The following IGSF9B variants were observed in gnomAD, a reference collection of about 807,000 sequenced individuals.
IGSF9B encodes immunoglobulin superfamily member 9B, also known as protein turtle homolog B.
Under a neutral mutation model 143.7 loss-of-function variants are expected in IGSF9B, and 48 were observed. The observed-to-expected ratio is 0.33, with a 90% CI of 0.26 to 0.42. The LOEUF is 0.42. Among genes scored for constraint, IGSF9B ranks in the 20% least tolerant of loss-of-function variants. The pLI is 1.00. For missense variants in IGSF9B, 1,706 were observed against 1,980.0 expected (o/e 0.86, Z 2.63); for synonymous variants, 903 against 833.1 (o/e 1.08, Z -1.44).
chr11:133,926,823 G>A (rs959000720), intron 13 of IGSF9B, 93 bp downstream of exon 13: 92 of 1,066,458 alleles, frequency 8.6e-5, no homozygotes, highest in African/African-American at 7.7e-4. Context: ...GCAAGGTACC[G>A]GCACACAGGA....
intron 2 of IGSF9B, 26 bp from the exon 3 acceptor site, chr11:133,944,392 C>A (rs751300023): frequency 6.2e-7 from 1 of 1,611,276 alleles, no homozygotes; most frequent in Non-Finnish European, 8.5e-7. Context: ...AGACAAAAGC[C>A]CCACAGGCCA....
intron 14 of IGSF9B, among the ~76,000 whole-genome samples, 196 bp downstream of exon 14, chr11:133,925,543 C>T (rs1389122856): frequency 6.6e-6 from 1 of 152,164 alleles, no homozygotes; most frequent in Non-Finnish European, 1.5e-5. Context: ...GAGCTGGCCC[C>T]GAGCCTGTGG....
rs146662739 is a variant in IGSF9B, at chr11:133,906,548, G to A, written c.*2521C>T. On this transcript the variant is annotated 3_prime_UTR_variant, in exon 20 of 20. Transcript: ENST00000533871. ...TCTACGTGCTGAGGTCATGGGCACT[G>A]CCAGAGGAAGCGGAGGAGGAGTCAG... Among the ~76,000 whole-genome samples, 243 of 152,362 alleles carry A rather than the reference G, an allele frequency of 1.6e-3. No homozygotes were observed. Among genetic ancestry groups the A allele is most frequent in the Non-Finnish European group, 3.0e-3 (201 of 68,042 alleles).
At chr11:133,946,028 G>C (rs745944671) in intron 2 of IGSF9B, 33 bp downstream of exon 2, 1 of 1,444,378 alleles carries the variant, frequency 6.9e-7, no homozygotes. Context: ...TCCAGCTGGG[G>C]AAGGTGCGGG....
chr11:133,918,284 G>C (rs994870710), intron 18 of IGSF9B, among the ~76,000 whole-genome samples: 1 of 150,398 alleles, frequency 6.6e-6, no homozygotes, highest in Admixed American at 6.6e-5. Context: ...GGCTTGTCTC[G>C]ACAACACTGC....
Position 133,913,613 on chromosome 11 carries a change from C to T in IGSF9B, c.3984-1606G>A, listed in dbSNP as rs1939333521. Among the ~76,000 whole-genome samples, 1 of 152,232 alleles carries T rather than the reference C, an allele frequency of 6.6e-6. No individual in the cohort carries two copies. Among genetic ancestry groups the T allele is most frequent in the Admixed American group, 6.5e-5 (1 of 15,286 alleles). Reference sequence around the variant, plus strand: ...CCTGACAGCAGAGCTAAGAAGGCTACACAGGGTCCCTCAGGTGCACACACA... The same window carrying T: ...CCTGACAGCAGAGCTAAGAAGGCTATACAGGGTCCCTCAGGTGCACACACA... On this transcript the variant is annotated intron_variant, in intron 18 of 19. Coordinates refer to ENST00000533871, the MANE Select transcript of IGSF9B (RefSeq NM_001277285.4). This position sits in a 1 kb window ranked among gnomAD's most constrained non-coding sequence, Gnocchi z 4.6.
chr11:133,941,026 G>T (rs1939947475), intron 3 of IGSF9B, among the ~76,000 whole-genome samples: 1 of 152,096 alleles, frequency 6.6e-6, no homozygotes, highest in South Asian at 2.1e-4. Flanking sequence ...TAAAAGAAAA[G>T]ATAATAAATT....
rs1315518243 is a variant in IGSF9B at position 133,908,581 on chromosome 11, A to ATG, written c.*487_*488insCA. 1 of 148,692 alleles carries ATG rather than the reference A, an allele frequency of 6.7e-6. No homozygotes were observed. The highest frequency in any genetic ancestry group is 1.5e-5 in the Non-Finnish European group (1 of 67,268). The allele number at this position is 148,692 out of a possible 1,614,324, so 9.2% of individuals were successfully genotyped here. On this transcript the variant is annotated 3_prime_UTR_variant, in exon 20 of 20. Transcript: ENST00000533871. ...AACAGCACTTTGCCTCAATGTACAT[A>ATG]TATATATATATATATACACACATAG...
intron 1 of IGSF9B, among the ~76,000 whole-genome samples, chr11:133,954,867 C>T (rs1230753315): frequency 6.6e-6 from 1 of 152,206 alleles, no homozygotes; most frequent in African/African-American, 2.4e-5. Flanking sequence ...CCCCTCTGCA[C>T]CCTGAAAGAG....
At chr11:133,934,970 A>G (rs1001288791) in intron 7 of IGSF9B, among the ~76,000 whole-genome samples, 3 of 152,268 alleles carry the variant, frequency 2.0e-5, no homozygotes, top group Admixed American at 1.3e-4. Context: ...TCTCTGTCTC[A>G]GGGCTCAGCT....
chr11:133,933,202 G>A (rs968962512), intron 7 of IGSF9B, among the ~76,000 whole-genome samples: 12 of 152,142 alleles, frequency 7.9e-5, no homozygotes, highest in Non-Finnish European at 1.5e-4. Context: ...CCCGTTGAAC[G>A]AGGTCCTCTC....
chr11:133,950,175 T>C lies in IGSF9B; in HGVS notation c.65-3917A>G, dbSNP rs149862583. On this transcript the variant is annotated intron_variant, in intron 1 of 19. Coordinates refer to ENST00000533871, the MANE Select transcript of IGSF9B (RefSeq NM_001277285.4). ...GGCATCCAGGGCCTGGCACAGCCCA[T>C]GTCTAGCACTCACAACCCGGAGCTC... Among the ~76,000 whole-genome samples the C allele has an allele frequency of 1.4e-3, 216 of 152,274 alleles. 1 individual carries two copies. The highest frequency in any genetic ancestry group is 2.4e-3 in the Non-Finnish European group (165 of 68,004).
intron 18 of IGSF9B, chr11:133,919,038 G>A (rs565660801): frequency 1.2e-5 from 6 of 501,512 alleles, no homozygotes; most frequent in Non-Finnish European, 2.4e-5. Flanking sequence ...AATACCAGCT[G>A]CTACAGTTTA....
chr11:133,956,194 AC>A (rs2121358043), intron 1 of IGSF9B, among the ~76,000 whole-genome samples: 1 of 151,970 alleles, frequency 6.6e-6, no homozygotes, highest in African/African-American at 2.4e-5. Flanking sequence ...GGCCGCGCGA[AC>A]CCGGGGCCTT....
intron 19 of IGSF9B, among the ~76,000 whole-genome samples, chr11:133,911,669 C>T (rs778076999): frequency 2.0e-5 from 3 of 152,062 alleles, no homozygotes; most frequent in Non-Finnish European, 2.9e-5. Flanking sequence ...TTATCTTTCT[C>T]GTTTTGTATA....
chr11:133,910,875 T>C (rs949231581), intron 19 of IGSF9B, among the ~76,000 whole-genome samples: 4 of 152,230 alleles, frequency 2.6e-5, no homozygotes, highest in African/African-American at 9.6e-5. Context: ...CTTAATTGGC[T>C]GAAAATGCAG....
At chr11:133,940,528 AAAAC>A (rs1246925838) in intron 3 of IGSF9B, among the ~76,000 whole-genome samples, 16 of 121,348 alleles carry the variant, frequency 1.3e-4, no homozygotes, top group African/African-American at 2.9e-4. Context: ...ATCACATGCA[AAAAC>A]ACACACCTCG....
intron 1 of IGSF9B, among the ~76,000 whole-genome samples, chr11:133,954,625 T>G (rs1338404840): frequency 6.6e-6 from 1 of 152,236 alleles, no homozygotes; most frequent in Non-Finnish European, 1.5e-5. Flanking sequence ...GTACATGCTA[T>G]TGGCACATTT....
chr11:133,936,123 G>A lies in IGSF9B; in HGVS notation c.751C>T (p.Arg251Trp), dbSNP rs767426835. The A allele has an allele frequency of 3.1e-6, 5 of 1,613,022 alleles. No individual in the cohort carries two copies. Among genetic ancestry groups the A allele is most frequent in the Non-Finnish European group, 4.2e-6 (5 of 1,179,374 alleles). ...AGGTTGCCCGGATACGCCTCTGCCC[G>A]GCAGGTGAGCAGAGCATCCTGGGAG... is the stretch of plus-strand genomic sequence containing the variant. ...NISQDALLTC[R>W]AEAYPGNLTY... is the part of the protein sequence containing the mutation. Residue 251 changes from arginine (R) to tryptophan (W), a missense_variant, in exon 6 of 20, where the codon CGG becomes TGG. This residue lies in a region of IGSF9B where 238 missense variants were observed against 452.6 expected (regional missense o/e 0.53). Coordinates refer to ENST00000533871, the MANE Select transcript of IGSF9B (RefSeq NM_001277285.4).
Sources: gnomAD v4.1 joint callset for allele counts (sites outside exome capture counted in the v4.1 genomes callset) on GRCh38, gnomAD v4.1.1 for gene constraint, gnomAD v4.1.1 regional missense constraint, Gnocchi (gnomAD v3.1) non-coding constraint, MANE v1.5 for transcripts, NCBI Gene and HGNC (gene_info 2026-07-23, HGNC 2026-07-21) for gene names.